The following TNR variants were observed in gnomAD, a reference collection of about 807,000 sequenced individuals.
The protein encoded by TNR is tenascin R, also known as tenascin-R.
In TNR, 45 loss-of-function variants were observed where a neutral mutation model predicts 150.4. The observed-to-expected ratio is 0.30, with a 90% CI of 0.24 to 0.38. The LOEUF (loss-of-function observed/expected upper bound fraction) is 0.38, where lower values mean the gene tolerates loss of function less well. Among genes scored for constraint, TNR ranks in the 10% least tolerant of loss-of-function variants. The pLI, the probability that TNR is intolerant of heterozygous loss-of-function variation, is 1.00. For synonymous variants in TNR, 687 were observed against 678.4 expected (o/e 1.01, Z -0.20); for missense variants, 1,544 against 1,759.1 (o/e 0.88, Z 2.19).
intron 2 of TNR, among the ~76,000 whole-genome samples, chr1:175,452,421 G>T (rs181037154): frequency 6.6e-6 from 1 of 152,272 alleles, no homozygotes; most frequent in East Asian, 1.9e-4. Flanking sequence ...GGCACAGGGG[G>T]CTGCTGCAAC....
At chr1:175,681,054 C>A (rs1422222337) in intron 1 of TNR, among the ~76,000 whole-genome samples, 2 of 152,096 alleles carry the variant, frequency 1.3e-5, no homozygotes, top group African/African-American at 4.8e-5. Context: ...TAGGAAGACC[C>A]TTTGAGGGCT....
At chr1:175,715,997 G>A (rs888740129) in intron 1 of TNR, among the ~76,000 whole-genome samples, 1 of 152,184 alleles carries the variant, frequency 6.6e-6, no homozygotes, top group Admixed American at 6.5e-5. Context: ...CCGAGTAGCA[G>A]GCAGCCAGGC....
chr1:175,341,730 G>A (rs1433587617), intron 18 of TNR, among the ~76,000 whole-genome samples: 1 of 152,244 alleles, frequency 6.6e-6, no homozygotes, highest in Non-Finnish European at 1.5e-5. Flanking sequence ...AAGCCACAAT[G>A]TCAGCATTTG....
At chr1:175,735,596 G>C (rs1667750455) in intron 1 of TNR, among the ~76,000 whole-genome samples, 1 of 152,300 alleles carries the variant, frequency 6.6e-6, no homozygotes, top group African/African-American at 2.4e-5. Flanking sequence ...TAAATTCAAA[G>C]TAATCTATAT....
intron 2 of TNR, among the ~76,000 whole-genome samples, chr1:175,491,583 T>C (rs1658250206): frequency 6.6e-6 from 1 of 151,606 alleles, no homozygotes; most frequent in Non-Finnish European, 1.5e-5. Flanking sequence ...AGTTAGATAA[T>C]GCACTTTCTA....
chr1:175,713,516 C>T (rs1667076306), intron 1 of TNR, among the ~76,000 whole-genome samples: 1 of 152,226 alleles, frequency 6.6e-6, no homozygotes, highest in Non-Finnish European at 1.5e-5. Context: ...CAACTCGCTA[C>T]TCCCCACCAC....
chr1:175,566,286 T>C (rs1049438062), intron 1 of TNR, among the ~76,000 whole-genome samples: 1 of 152,154 alleles, frequency 6.6e-6, no homozygotes, highest in Non-Finnish European at 1.5e-5. Context: ...AATCCCAAAA[T>C]GGGGTGAGTA....
At chr1:175,377,040 G>T (rs377200843) in intron 9 of TNR, among the ~76,000 whole-genome samples, 24 of 152,126 alleles carry the variant, frequency 1.6e-4, no homozygotes, top group African/African-American at 5.8e-4. Flanking sequence ...CTGTGGAAGG[G>T]GAATCTTCTG....
At chr1:175,567,796 G>A (rs529171844) in intron 1 of TNR, among the ~76,000 whole-genome samples, 349 of 152,146 alleles carry the variant, frequency 2.3e-3, no homozygotes, top group South Asian at 6.8e-3. Flanking sequence ...GATCATTCTA[G>A]GAATCTCTGA....
chr1:175,703,358 T>A (rs1258719474), intron 1 of TNR, among the ~76,000 whole-genome samples: 4 of 152,198 alleles, frequency 2.6e-5, no homozygotes, highest in African/African-American at 9.6e-5. Context: ...TTTGCAAACT[T>A]TAATAGTTTT....
intron 1 of TNR, among the ~76,000 whole-genome samples, chr1:175,584,708 G>A (rs894374268): frequency 6.6e-6 from 1 of 152,078 alleles, no homozygotes; most frequent in African/African-American, 2.4e-5. Context: ...GATAACCTTG[G>A]TTGGTACCAA....
intron 3 of TNR, among the ~76,000 whole-genome samples, chr1:175,406,012 G>T (rs1653939748): frequency 6.6e-6 from 1 of 152,196 alleles, no homozygotes; most frequent in Non-Finnish European, 1.5e-5. Context: ...CCTCGGGGAA[G>T]AACTGCATTT....
intron 1 of TNR, among the ~76,000 whole-genome samples, chr1:175,550,253 A>C (rs1271288939): frequency 6.6e-6 from 1 of 152,196 alleles, no homozygotes; most frequent in Non-Finnish European, 1.5e-5. Flanking sequence ...AAACCGGAAG[A>C]CTAGGCAGGA....
At chr1:175,354,339 C>T (rs976173559) in intron 18 of TNR, 52 bp downstream of exon 18, 12 of 1,598,878 alleles carry the variant, frequency 7.5e-6, no homozygotes, top group Non-Finnish European at 1.0e-5. Context: ...TGCTGATGAG[C>T]CAAACATCAG....
At chr1:175,676,380 C>T (rs779736547) in intron 1 of TNR, among the ~76,000 whole-genome samples, 2 of 152,140 alleles carry the variant, frequency 1.3e-5, no homozygotes, top group Admixed American at 6.5e-5. Flanking sequence ...TACTCAGCTC[C>T]GAGCCAACTG....
At chr1:175,398,000 G>A (rs151207163) in intron 4 of TNR, among the ~76,000 whole-genome samples, 168 of 152,294 alleles carry the variant, frequency 1.1e-3, no homozygotes, top group African/African-American at 3.9e-3. Context: ...TGGAGGCTTC[G>A]ATGAGTTTAA....
intron 2 of TNR, among the ~76,000 whole-genome samples, chr1:175,495,111 G>A (rs886765816): frequency 2.6e-5 from 4 of 152,126 alleles, no homozygotes; most frequent in African/African-American, 9.7e-5. Context: ...TGGATTGCCT[G>A]CCCAGTGACT....
chr1:175,486,041 G>A (rs1475704677), intron 2 of TNR, among the ~76,000 whole-genome samples: 1 of 151,804 alleles, frequency 6.6e-6, no homozygotes, highest in Non-Finnish European at 1.5e-5. Flanking sequence ...CACCAGAGAA[G>A]ACAATTTTTC....
chr1:175,416,660 ATGGTTTCTGTTTCCTGCCC>A (rs1654467604), intron 2 of TNR, among the ~76,000 whole-genome samples: 1 of 152,154 alleles, frequency 6.6e-6, no homozygotes, highest in Non-Finnish European at 1.5e-5. Flanking sequence ...GCCCAAGTTG[ATGGTTTCTGTTTCCTGCCC>A]ACACTCCTTA....
Sources: allele counts gnomAD v4.1 joint callset (sites outside exome capture counted in the v4.1 genomes callset), GRCh38; gene constraint gnomAD v4.1.1; transcripts MANE v1.5; gene names NCBI Gene and HGNC (gene_info 2026-07-23, HGNC 2026-07-21).